PLEKHA5: variants seen among roughly 807,000 people sequenced by gnomAD.
The protein encoded by PLEKHA5 is pleckstrin homology domain-containing family A member 5.
Under a neutral mutation model 181.9 loss-of-function variants are expected in PLEKHA5, and 55 were observed. The ratio of observed to expected loss-of-function variants is 0.30; its 90% CI spans 0.24 to 0.38. PLEKHA5 has a LOEUF of 0.38. Ranked by LOEUF, PLEKHA5 falls within the 10% of genes least tolerant of loss-of-function variation. The pLI is 1.00. For synonymous variants in PLEKHA5, 535 were observed against 529.4 expected, an observed-to-expected ratio of 1.01 and a Z score of -0.15; for missense variants, 1,432 against 1,549.5, an observed-to-expected ratio of 0.92 and a Z score of 1.27.
At chr12:19,231,689 A>C (rs1232828300) in intron 3 of PLEKHA5, among the ~76,000 whole-genome samples, 1 of 142,204 alleles carries the variant, frequency 7.0e-6, no homozygotes, top group Non-Finnish European at 1.6e-5. Context: ...CTTGAATCAG[A>C]ATTTATCATG....
In PLEKHA5 at chr12:19,248,894, G is replaced by T. The variant is rs146675943; in HGVS notation, c.228-5046G>T. On this transcript the variant is annotated intron_variant, in intron 3 of 31. Transcript: ENST00000429027. ...TACTAATATAATGATGACATATACT[G>T]AATGTCCTGCAGTTCATAATAATTG... is the stretch of plus-strand genomic sequence containing the variant. 2.0e-4 allele frequency among the ~76,000 whole-genome samples: 30 copies of T among 152,300 alleles called. No individual in the cohort carries two copies. In the East Asian group the frequency reaches 5.6e-3, roughly 28 times the overall value.
At chr12:19,322,241 A>G (rs2091050123) in intron 18 of PLEKHA5, 69 bp from the exon 19 acceptor site, 2 of 910,596 alleles carry the variant, frequency 2.2e-6, no homozygotes, top group South Asian at 2.8e-5. Context: ...TGGTCATATA[A>G]TGACTGCCTA....
rs73343021 is a variant in PLEKHA5, at chr12:19,132,517, A to G, written c.227+67A>G. The G allele has an allele frequency of 7.5e-3, 5,905 of 789,214 alleles. 238 individuals carry two copies. In the African/African-American group the frequency reaches 0.09, roughly 12 times the overall value. The allele number at this position is 789,214 out of a possible 1,614,324, so 48.9% of individuals were successfully genotyped here. On this transcript the variant is annotated intron_variant, in intron 3 of 31. Coordinates refer to ENST00000429027, the MANE Select transcript of PLEKHA5 (RefSeq NM_001256470.2). ...TGCTGTGATTACTCCTCAGCTGAAT[A>G]GTTGTATGTCCAGTCTTGATCATGA...
intron 3 of PLEKHA5, among the ~76,000 whole-genome samples, chr12:19,233,630 G>C (rs754696648): frequency 5.3e-5 from 8 of 152,182 alleles, no homozygotes; most frequent in Middle Eastern, 3.2e-3. Context: ...TTGAAGAAGA[G>C]AGTGGTCAAA....
At chr12:19,348,613 A>C in intron 25 of PLEKHA5, 94 bp downstream of exon 25, 2 of 907,356 alleles carry the variant, frequency 2.2e-6, no homozygotes, top group South Asian at 2.0e-5. Context: ...ATGTTGACTC[A>C]TATATGAGTC....
Position 19,292,661 on chromosome 12 carries a change from G to A in PLEKHA5, c.2037+964G>A, listed in dbSNP as rs541849497. ...TCAAAAGTGAAAATGGCAATGGGCC[G>A]GGTGTGGTGGCTCCCGCCTGTAATC... On this transcript the variant is annotated intron_variant, in intron 15 of 31. Coordinates refer to ENST00000429027, the MANE Select transcript of PLEKHA5 (RefSeq NM_001256470.2). Among the ~76,000 whole-genome samples the A allele has an allele frequency of 2.9e-4, 44 of 152,258 alleles. No homozygotes were observed. In the South Asian group the frequency reaches 4.1e-3, roughly 14 times the overall value.
chr12:19,358,203 T>C, intron 26 of PLEKHA5, 25 bp from the exon 27 acceptor site: 2 of 1,497,726 alleles, frequency 1.3e-6, no homozygotes, highest in Non-Finnish European at 1.9e-6. Flanking sequence ...ATTTATGTAT[T>C]GATATGTTCA....
Position 19,348,457 on chromosome 12 carries a change from A to G in PLEKHA5, c.2957A>G (p.Asp986Gly), listed in dbSNP as rs112479561. ...EPELTTVAEV[D>G]ESNGEEKSEP... ...GAGTTAACAACAGTGGCAGAAGTTG[A>G]TGAATCTAATGGAGAAGAAAAATCA... Residue 986 changes from aspartate to glycine, a missense_variant, in exon 25 of 32, where the codon GAT (aspartate) becomes GGT (glycine). Transcript: ENST00000429027. The G allele has an allele frequency of 1.3e-6, 2 of 1,581,762 alleles. No individual in the cohort carries two copies. The highest frequency in any genetic ancestry group is 1.7e-6 in the Non-Finnish European group (2 of 1,165,238).
intron 3 of PLEKHA5, among the ~76,000 whole-genome samples, chr12:19,182,658 C>T (rs546874004): frequency 3.3e-5 from 5 of 152,016 alleles, no homozygotes; most frequent in Non-Finnish European, 5.9e-5. Flanking sequence ...GCATTATTGC[C>T]GTCAGAATTA....
chr12:19,131,324 A>G (rs1158272587), intron 2 of PLEKHA5, among the ~76,000 whole-genome samples: 1 of 152,210 alleles, frequency 6.6e-6, no homozygotes, highest in African/African-American at 2.4e-5. Context: ...AATGTCTCCA[A>G]ATTTGCAAAA....
Position 19,211,401 on chromosome 12 carries a change from G to A in PLEKHA5, c.228-42539G>A, listed in dbSNP as rs952041138. Among the ~76,000 whole-genome samples the A allele has an allele frequency of 7.2e-5, 11 of 152,116 alleles. No individual in the cohort carries two copies. The South Asian group carries it at 2.1e-3, about 29-fold the overall frequency. ...GCAGTCACAAGTGTCCTTAGAAGGG[G>A]AGGTGGGCAGAGGGAAATTTCAGAG... On this transcript the variant is annotated intron_variant, in intron 3 of 31. Coordinates refer to ENST00000429027, the MANE Select transcript of PLEKHA5 (RefSeq NM_001256470.2).
chr12:19,256,632 T>C (rs2066953075), intron 5 of PLEKHA5, among the ~76,000 whole-genome samples: 1 of 152,242 alleles, frequency 6.6e-6, no homozygotes, highest in Non-Finnish European at 1.5e-5. Flanking sequence ...CTTAAAATTT[T>C]CTTATATACT....
chr12:19,306,357 C>T (rs758513798), intron 15 of PLEKHA5: 11 of 462,874 alleles, frequency 2.4e-5, no homozygotes, highest in Non-Finnish European at 3.8e-5. Context: ...TTCTCGTGCT[C>T]TCCAACTAGC....
chr12:19,297,517 G>A (rs2080168806), intron 15 of PLEKHA5, among the ~76,000 whole-genome samples: 1 of 150,684 alleles, frequency 6.6e-6, no homozygotes, highest in Non-Finnish European at 1.5e-5. Flanking sequence ...AGCTACTGGG[G>A]AGGCTGAGGC....
At position 19,307,061 on chromosome 12, in the gene PLEKHA5, A is replaced by G. The variant is rs562641108; in HGVS notation, c.2038-7753A>G. 32 of 1,386,964 alleles carry G rather than the reference A, an allele frequency of 2.3e-5. No homozygotes were observed. The African/African-American group carries it at 3.9e-4, about 17-fold the overall frequency. 85.9% of individuals were successfully genotyped at this position (1,386,964 alleles called of 1,614,324 possible). ...CTTGGGCTTCCTGGAGCAAACTTGA[A>G]CTCAATCTGTTGCCACAGATAGTTG... On this transcript the variant is annotated intron_variant, in intron 15 of 31. Coordinates refer to ENST00000429027, the MANE Select transcript of PLEKHA5 (RefSeq NM_001256470.2).
chr12:19,167,387 C>A (rs369967673), intron 3 of PLEKHA5, among the ~76,000 whole-genome samples: 14 of 141,252 alleles, frequency 9.9e-5, no homozygotes, highest in Admixed American at 1.4e-4. Flanking sequence ...CAACACTCTG[C>A]AAGTCTTCTG....
chr12:19,181,785 A>G (rs1230573510), intron 3 of PLEKHA5, among the ~76,000 whole-genome samples: 1 of 152,180 alleles, frequency 6.6e-6, no homozygotes, highest in Non-Finnish European at 1.5e-5. Context: ...GACTCAAAAA[A>G]AGCCCCTTAG....
intron 3 of PLEKHA5, among the ~76,000 whole-genome samples, chr12:19,206,792 G>C (rs1053985096): frequency 5.9e-5 from 9 of 152,074 alleles, no homozygotes; most frequent in African/African-American, 2.2e-4. Context: ...CTGGGTGACA[G>C]GACTCAAGAA....
chr12:19,194,984 G>A (rs559726850), intron 3 of PLEKHA5, among the ~76,000 whole-genome samples: 11 of 152,252 alleles, frequency 7.2e-5, no homozygotes, highest in Admixed American at 3.3e-4. Context: ...AATAGCTACC[G>A]TCTATTGGGC....
Sources: allele counts gnomAD v4.1 joint callset (sites outside exome capture counted in the v4.1 genomes callset), GRCh38; gene constraint gnomAD v4.1.1; transcripts MANE v1.5; gene names NCBI Gene and HGNC (gene_info 2026-07-23, HGNC 2026-07-21).